KANK2: variants seen among roughly 807,000 people sequenced by gnomAD.
KANK2 encodes the protein KN motif and ankyrin repeat domains 2.
KANK2 carries 41 observed loss-of-function variants against 74.6 expected under a neutral mutation model. That is an observed-to-expected ratio of 0.55 (90% CI 0.43 to 0.71). The LOEUF is 0.71. Ranked by LOEUF, KANK2 falls within the 30% of genes least tolerant of loss-of-function variation. KANK2 has a pLI of 0.00. For missense variants in KANK2, 1,148 were observed against 1,196.4 expected (o/e 0.96, Z 0.60); for synonymous variants, 537 against 519.0 (o/e 1.03, Z -0.47).
At chr19:11,175,686 T>C (rs964942533) in intron 8 of KANK2, among the ~76,000 whole-genome samples, 1 of 152,112 alleles carries the variant, frequency 6.6e-6, no homozygotes, top group Non-Finnish European at 1.5e-5. Flanking sequence ...AAGGCCAGGC[T>C]TGGCCAGTGA....
In KANK2 at chr19:11,194,766, G is replaced by A. The variant is rs1031380348; in HGVS notation, c.-79-176C>T. ...GGCCCCCCCCGACCCCCTCCCCCCCGCAGGTCTGGAACAAAGAAACCAAAC... is the reference window on the plus strand; with the variant it reads ...GGCCCCCCCCGACCCCCTCCCCCCCACAGGTCTGGAACAAAGAAACCAAAC... On this transcript the variant is annotated intron_variant, in intron 2 of 12. Coordinates refer to ENST00000586659, the MANE Select transcript of KANK2 (RefSeq NM_001136191.3). The A allele has an allele frequency of 4.3e-5, 13 of 302,854 alleles. No individual in the cohort carries two copies. The Admixed American group carries it at 4.9e-4, about 11-fold the overall frequency. The allele number at this position is 302,854 out of a possible 1,614,324, so 18.8% of individuals were successfully genotyped here. A position where few individuals can be genotyped will look rare whatever the true frequency, so the allele number is the denominator to read the frequency against.
chr19:11,179,573 G>A (rs566581072), intron 4 of KANK2, among the ~76,000 whole-genome samples: 2 of 151,734 alleles, frequency 1.3e-5, no homozygotes, highest in East Asian at 3.9e-4. Context: ...GGGAGGCAGA[G>A]GTTGCAGTGA....
chr19:11,189,948 C>T (rs1012224378), intron 4 of KANK2, among the ~76,000 whole-genome samples: 4 of 151,988 alleles, frequency 2.6e-5, no homozygotes, highest in Non-Finnish European at 5.9e-5. Flanking sequence ...CGGGTGGTGT[C>T]CAGAGCTGGC....
rs529121858 is a variant in KANK2, at chr19:11,176,668, G to A, written c.1670C>T (p.Thr557Ile). The change falls in exon 7 of 13, where the codon ACC becomes ATC. Residue 557 changes from threonine to isoleucine, a missense_variant. Coordinates refer to ENST00000586659, the MANE Select transcript of KANK2 (RefSeq NM_001136191.3). ...AGACAGCTGACACTCCTGCCGGCTG[G>A]TCTTGGCCGCTGCCGTCCCTGCAGG... ...LRPAGTAAAK[T>I]SRQECQLSRE... is the part of the protein sequence containing the mutation. 1 of 1,613,586 alleles carries A rather than the reference G, an allele frequency of 6.2e-7. No homozygotes were observed. The highest frequency in any genetic ancestry group is 1.3e-5 in the African/African-American group (1 of 74,918).
At chr19:11,189,661 T>G (rs2078785056) in intron 4 of KANK2, among the ~76,000 whole-genome samples, 2 of 138,862 alleles carry the variant, frequency 1.4e-5, no homozygotes, top group Non-Finnish European at 1.5e-5. Context: ...AATTAAGACA[T>G]TCCAGCTTGG....
At position 11,170,162 on chromosome 19, in the gene KANK2, G is replaced by A. The variant is rs61734840; in HGVS notation, c.2298C>T (p.Asn766=). The change falls in exon 11 of 13, where the codon AAC becomes AAT. Residue 766 remains asparagine (N), a synonymous_variant. Transcript: ENST00000586659. This position sits in a 1 kb window ranked among gnomAD's most constrained non-coding sequence, Gnocchi z 5.2. ...CCGTGGAGCCGTCATCATCTTGCACGTTGACATCTGCCTCACAGGCCAGCA... is the reference window on the plus strand; with the variant it reads ...CCGTGGAGCCGTCATCATCTTGCACATTGACATCTGCCTCACAGGCCAGCA... ...KALLACEADV[N]VQDDDGSTAL... The A allele has an allele frequency of 4.5e-5, 72 of 1,612,212 alleles. No individual in the cohort carries two copies. The highest frequency in any genetic ancestry group is 1.2e-4 in the African/African-American group (9 of 75,064).
intron 4 of KANK2, among the ~76,000 whole-genome samples, chr19:11,191,308 G>A (rs2078837881): frequency 6.6e-6 from 1 of 152,222 alleles, no homozygotes; most frequent in East Asian, 1.9e-4. Context: ...CCAAAGTGTG[G>A]GATTACAGGC....
Position 11,166,566 on chromosome 19 carries a change from C to T in KANK2, c.2548G>A (p.Glu850Lys), listed in dbSNP as rs979171862. ...DDESPTSSSA[E>K]E ...CCCCGCCTCCCTCACGGCTACTCTT[C>T]TGCCGAGGATGATGTAGGGCTCTCG... Residue 850 changes from glutamate (E) to lysine (K), a missense_variant, in exon 13 of 13, where the codon GAA becomes AAA. Physicochemically the swap from Glu to Lys is moderately conservative, Grantham distance 56. Transcript: ENST00000586659. 1.9e-6 allele frequency: 3 copies of T among 1,614,024 alleles called. No homozygotes were observed. The highest frequency in any genetic ancestry group is 2.7e-5 in the African/African-American group (2 of 74,942).
At chr19:11,180,530 C>T (rs912494099) in intron 4 of KANK2, among the ~76,000 whole-genome samples, 2 of 152,104 alleles carry the variant, frequency 1.3e-5, no homozygotes, top group Admixed American at 6.6e-5. Flanking sequence ...ATGAGACACT[C>T]GGTCATCGGC....
At chr19:11,196,454 AG>A (rs1428142760) in intron 1 of KANK2, 1 of 152,430 alleles carries the variant, frequency 6.6e-6, no homozygotes, top group Non-Finnish European at 1.5e-5. Flanking sequence ...AGAAAGGTAC[AG>A]TGGCTTCCTC....
In KANK2 at chr19:11,188,206, A is replaced by ATT. The variant is rs34581359; in HGVS notation, c.1249+4623_1249+4624dup. ...TTTTGGACTCCTGAAGGCCAAAATA[A>ATT]TTTTTTTTTTTTTTGAGACGGAGTC... On this transcript the variant is annotated intron_variant, in intron 4 of 12. Coordinates refer to ENST00000586659, the MANE Select transcript of KANK2 (RefSeq NM_001136191.3). Among the ~76,000 whole-genome samples, 424 of 146,984 alleles carry ATT rather than the reference A, an allele frequency of 2.9e-3. 3 individuals are homozygous for ATT. The highest frequency in any genetic ancestry group is 8.6e-3 in the African/African-American group (345 of 40,050).
At chr19:11,186,781 G>C (rs1184703766) in intron 4 of KANK2, among the ~76,000 whole-genome samples, 1 of 152,228 alleles carries the variant, frequency 6.6e-6, no homozygotes, top group Non-Finnish European at 1.5e-5. Flanking sequence ...TTGAACCGGA[G>C]CACGGTGTTA....
chr19:11,171,169 G>A (rs947750137), intron 10 of KANK2, among the ~76,000 whole-genome samples: 8 of 152,186 alleles, frequency 5.3e-5, no homozygotes, highest in Admixed American at 6.5e-5. Flanking sequence ...GGCCGAGGTG[G>A]GAGGACTGCT....
chr19:11,165,106 T>TA lies in KANK2; in HGVS notation c.*1451dup, dbSNP rs2077995254. 6.6e-6 allele frequency: 1 copy of TA among 150,614 alleles called. No individual in the cohort carries two copies. The highest frequency in any genetic ancestry group is 1.5e-5 in the Non-Finnish European group (1 of 67,744). 9.3% of individuals were successfully genotyped at this position (150,614 alleles called of 1,614,324 possible). ...AGAAAGACAATGATGTGGAGATTCT[T>TA]AGGGGACCAAAACAGGCCATGAAGG... On this transcript the variant is annotated 3_prime_UTR_variant, in exon 13 of 13. Coordinates refer to ENST00000586659, the MANE Select transcript of KANK2 (RefSeq NM_001136191.3).
chr19:11,186,654 ACACCACTG>A (rs1307657551), intron 4 of KANK2, among the ~76,000 whole-genome samples: 1 of 151,964 alleles, frequency 6.6e-6, no homozygotes, highest in Admixed American at 6.6e-5. Context: ...AGCCAAGATC[ACACCACTG>A]CACTCCAGCC....
At position 11,185,778 on chromosome 19, in the gene KANK2, C is replaced by T. The variant is rs572246390; in HGVS notation, c.1249+7053G>A. On this transcript the variant is annotated intron_variant, in intron 4 of 12. Transcript: ENST00000586659. ...ATAAGGAGGGCTGAATTCCGAGGCT[C>T]GCATTTATAATCCCAGGGCTTTGGG... Among the ~76,000 whole-genome samples, 19 of 133,150 alleles carry T rather than the reference C, an allele frequency of 1.4e-4. 2 individuals are homozygous for T. Among genetic ancestry groups the T allele is most frequent in the African/African-American group, 4.6e-4 (17 of 36,720 alleles). 87.4% of individuals were successfully genotyped at this position (133,150 alleles called of 152,430 possible). A position where few individuals can be genotyped will look rare whatever the true frequency, so the allele number is the denominator to read the frequency against.
At chr19:11,183,612 C>A (rs2078591217) in intron 4 of KANK2, among the ~76,000 whole-genome samples, 1 of 152,072 alleles carries the variant, frequency 6.6e-6, no homozygotes, top group Admixed American at 6.6e-5. Context: ...CTTCAGCCTC[C>A]CGAGTAGCTG....
intron 4 of KANK2, among the ~76,000 whole-genome samples, chr19:11,184,534 C>T (rs940975894): frequency 2.7e-5 from 4 of 150,044 alleles, no homozygotes; most frequent in Non-Finnish European, 5.9e-5. Context: ...TTTTTGGTTA[C>T]GTCACACATA....
intron 8 of KANK2, 112 bp from the exon 9 acceptor site, chr19:11,174,804 G>T: frequency 1.2e-6 from 1 of 816,114 alleles, no homozygotes; most frequent in South Asian, 1.6e-5. Flanking sequence ...CCTGGAAAAC[G>T]ATCTCAAGGG....
Sources: allele counts gnomAD v4.1 joint callset (sites outside exome capture counted in the v4.1 genomes callset), GRCh38; gene constraint gnomAD v4.1.1; non-coding constraint Gnocchi (gnomAD v3.1); transcripts MANE v1.5; gene names NCBI Gene and HGNC (gene_info 2026-07-23, HGNC 2026-07-21).